NALF1: variants seen among roughly 807,000 people sequenced by gnomAD.
The protein encoded by NALF1 is family with sequence similarity 155 member A.
A neutral mutation model predicts 48.4 loss-of-function variants in NALF1; 3 were observed. The ratio of observed to expected loss-of-function variants is 0.06; its 90% CI spans 0.03 to 0.16. The LOEUF is 0.16. Among genes scored for constraint, NALF1 ranks in the 10% least tolerant of loss-of-function variants. The pLI, the probability that NALF1 is intolerant of heterozygous loss-of-function variation, is 1.00. For synonymous variants in NALF1, 262 were observed against 245.7 expected, an observed-to-expected ratio of 1.07 and a Z score of -0.62; for missense variants, 526 against 571.5, an observed-to-expected ratio of 0.92 and a Z score of 0.81.
intron 1 of NALF1, among the ~76,000 whole-genome samples, chr13:107,522,569 T>A (rs1244991770): frequency 6.6e-6 from 1 of 151,830 alleles, no homozygotes; most frequent in East Asian, 1.9e-4. Context: ...GTGAATGATA[T>A]TAAATAATTT....
intron 1 of NALF1, among the ~76,000 whole-genome samples, chr13:107,332,851 T>G (rs1270496301): frequency 6.6e-6 from 1 of 152,104 alleles, no homozygotes; most frequent in Non-Finnish European, 1.5e-5. Context: ...TGTTTTTGTT[T>G]TTTGTTTTTG....
intron 1 of NALF1, among the ~76,000 whole-genome samples, chr13:107,779,711 G>T (rs937479954): frequency 6.6e-6 from 1 of 152,184 alleles, no homozygotes; most frequent in Non-Finnish European, 1.5e-5. Flanking sequence ...TACACAGTTG[G>T]ATGAGTTAAT....
intron 1 of NALF1, among the ~76,000 whole-genome samples, chr13:107,366,918 G>T (rs1594139336): frequency 6.6e-6 from 1 of 152,266 alleles, no homozygotes; most frequent in East Asian, 1.9e-4. Context: ...ATCCTACAAG[G>T]GCTTCTAGTC....
intron 1 of NALF1, among the ~76,000 whole-genome samples, chr13:107,792,807 TTTTG>T (rs143475544): frequency 0.15 from 23,327 of 151,934 alleles, 2,159 homozygotes; most frequent in Admixed American, 0.26. Context: ...TTTTTAATCA[TTTTG>T]TTTGTTTGTT....
At chr13:107,421,806 C>T (rs1594054317) in intron 1 of NALF1, among the ~76,000 whole-genome samples, 1 of 152,144 alleles carries the variant, frequency 6.6e-6, no homozygotes, top group African/African-American at 2.4e-5. Flanking sequence ...TCTTTTTCTG[C>T]AGTCATTGAA....
intron 1 of NALF1, among the ~76,000 whole-genome samples, chr13:107,246,588 C>T (rs1880590946): frequency 6.6e-6 from 1 of 152,192 alleles, no homozygotes; most frequent in Admixed American, 6.5e-5. Context: ...CAGTTCAATC[C>T]TGTTTAAATA....
At chr13:107,310,328 T>G (rs994684444) in intron 1 of NALF1, among the ~76,000 whole-genome samples, 1 of 150,862 alleles carries the variant, frequency 6.6e-6, no homozygotes, top group Non-Finnish European at 1.5e-5. Flanking sequence ...GAGAATCACT[T>G]GAACTCGGCA....
intron 1 of NALF1, among the ~76,000 whole-genome samples, chr13:107,423,785 G>A (rs965658853): frequency 6.6e-6 from 1 of 152,086 alleles, no homozygotes; most frequent in African/African-American, 2.4e-5. Context: ...AGCATTTTGA[G>A]CTTTGGAATT....
At chr13:107,209,379 C>T (rs918185482) in intron 2 of NALF1, among the ~76,000 whole-genome samples, 15 of 151,974 alleles carry the variant, frequency 9.9e-5, no homozygotes, top group African/African-American at 2.9e-4. Context: ...TGGTGGTGCA[C>T]GCCTGTAATC....
intron 1 of NALF1, chr13:107,466,119 T>C (rs1884998257): frequency 6.6e-6 from 1 of 152,352 alleles, no homozygotes; most frequent in South Asian, 2.1e-4. Flanking sequence ...ATTCCCCTTT[T>C]TAAAACCATC....
intron 1 of NALF1, among the ~76,000 whole-genome samples, chr13:107,395,158 T>C (rs974877566): frequency 8.5e-5 from 13 of 152,190 alleles, no homozygotes; most frequent in Non-Finnish European, 1.9e-4. Flanking sequence ...ATCTAATTAG[T>C]AAATGTTGGT....
chr13:107,709,408 A>T (rs1875502104), intron 1 of NALF1, among the ~76,000 whole-genome samples: 1 of 152,192 alleles, frequency 6.6e-6, no homozygotes, highest in Non-Finnish European at 1.5e-5. Context: ...CTGCAGTGAG[A>T]ACGTGGATAA....
intron 1 of NALF1, among the ~76,000 whole-genome samples, chr13:107,386,141 T>G (rs924094791): frequency 5.9e-5 from 9 of 152,238 alleles, no homozygotes; most frequent in Admixed American, 4.6e-4. Context: ...TGTTTTGTCT[T>G]TTTAGTGAGA....
intron 1 of NALF1, among the ~76,000 whole-genome samples, chr13:107,743,748 C>T (rs1423310645): frequency 1.3e-5 from 2 of 152,100 alleles, no homozygotes; most frequent in Non-Finnish European, 2.9e-5. Flanking sequence ...TTTGCCTATG[C>T]GGTATGCCTT....
chr13:107,566,753 A>G (rs1420282290), intron 1 of NALF1, among the ~76,000 whole-genome samples: 4 of 152,110 alleles, frequency 2.6e-5, no homozygotes, highest in Non-Finnish European at 5.9e-5. Flanking sequence ...TTCCAATTTC[A>G]TAGAGTACCA....
chr13:107,836,158 T>G (rs1464138749), intron 1 of NALF1, among the ~76,000 whole-genome samples: 1 of 152,070 alleles, frequency 6.6e-6, no homozygotes, highest in African/African-American at 2.4e-5. Context: ...GCTCGACTAA[T>G]TTTTGTAATT....
At chr13:107,553,883 A>G (rs1877373156) in intron 1 of NALF1, among the ~76,000 whole-genome samples, 1 of 150,454 alleles carries the variant, frequency 6.6e-6, no homozygotes, top group African/African-American at 2.4e-5. Flanking sequence ...CCTATCCCCA[A>G]TTCTACTTTA....
At chr13:107,595,414 G>T (rs2138420496) in intron 1 of NALF1, among the ~76,000 whole-genome samples, 1 of 152,144 alleles carries the variant, frequency 6.6e-6, no homozygotes, top group East Asian at 1.9e-4. Flanking sequence ...TATCTCATAT[G>T]TTCTACTGAT....
chr13:107,315,449 C>G (rs1484197469), intron 1 of NALF1, among the ~76,000 whole-genome samples: 1 of 152,088 alleles, frequency 6.6e-6, no homozygotes, highest in East Asian at 1.9e-4. Flanking sequence ...CTCTTACTGA[C>G]TTGGAAAGTC....
Sources: gnomAD v4.1 joint callset for allele counts (sites outside exome capture counted in the v4.1 genomes callset) on GRCh38, gnomAD v4.1.1 for gene constraint, MANE v1.5 for transcripts, NCBI Gene and HGNC (gene_info 2026-07-23, HGNC 2026-07-21) for gene names.